GABRB2: variants seen among roughly 807,000 people sequenced by gnomAD.
GABRB2 encodes gamma-aminobutyric acid receptor subunit beta-2.
GABRB2 carries 16 observed loss-of-function variants against 54.7 expected under a neutral mutation model. That is an observed-to-expected ratio of 0.29 (90% CI 0.20 to 0.44). The LOEUF (loss-of-function observed/expected upper bound fraction) is 0.44, where lower values mean the gene tolerates loss of function less well. Ranked by LOEUF, GABRB2 falls within the 20% of genes least tolerant of loss-of-function variation. GABRB2 has a pLI of 1.00. For synonymous variants in GABRB2, 244 were observed against 233.8 expected, an observed-to-expected ratio of 1.04 and a Z score of -0.40; for missense variants, 355 against 644.0, an observed-to-expected ratio of 0.55 and a Z score of 4.86.
intron 5 of GABRB2, among the ~76,000 whole-genome samples, chr5:161,359,010 G>A (rs1754724438): frequency 1.3e-5 from 2 of 152,090 alleles, no homozygotes; most frequent in Admixed American, 6.5e-5. Context: ...AAAATTGCAT[G>A]GAAACAGCTT....
At chr5:161,345,538 A>G (rs1488603750) in intron 5 of GABRB2, among the ~76,000 whole-genome samples, 2 of 152,006 alleles carry the variant, frequency 1.3e-5, no homozygotes, top group Admixed American at 6.6e-5. Flanking sequence ...AACTCCTTTG[A>G]CCTCAAGGTT....
chr5:161,390,467 GATTC>G (rs1755785132), intron 5 of GABRB2, among the ~76,000 whole-genome samples: 1 of 152,004 alleles, frequency 6.6e-6, no homozygotes, highest in South Asian at 2.1e-4. Context: ...CCCTAGGTTG[GATTC>G]ATGAACAGAA....
At chr5:161,510,232 T>C (rs1759724602) in intron 3 of GABRB2, among the ~76,000 whole-genome samples, 1 of 151,836 alleles carries the variant, frequency 6.6e-6, no homozygotes, top group Non-Finnish European at 1.5e-5. Context: ...CTTCTAATTA[T>C]TTTCCTCCCC....
chr5:161,440,229 A>G (rs922453169), intron 4 of GABRB2, among the ~76,000 whole-genome samples: 6 of 152,194 alleles, frequency 3.9e-5, no homozygotes, highest in African/African-American at 9.6e-5. Context: ...TGGTAGGAGT[A>G]AGTCTTTATT....
intron 5 of GABRB2, among the ~76,000 whole-genome samples, chr5:161,379,227 C>T (rs1708202029): frequency 6.6e-6 from 1 of 152,104 alleles, no homozygotes; most frequent in African/African-American, 2.4e-5. Flanking sequence ...GTTATCTAAG[C>T]AATGTAAGAC....
intron 5 of GABRB2, among the ~76,000 whole-genome samples, chr5:161,343,454 C>A (rs1480958389): frequency 1.3e-5 from 2 of 151,952 alleles, no homozygotes; most frequent in Non-Finnish European, 2.9e-5. Flanking sequence ...AGTAAAATGT[C>A]AGATTGTGGG....
chr5:161,326,911 TG>T (rs1758381199), intron 8 of GABRB2: 1 of 765,518 alleles, frequency 1.3e-6, no homozygotes, highest in East Asian at 1.3e-4. Context: ...CAAATATGCG[TG>T]TTCTTAGTAT....
At chr5:161,323,720 G>T (rs1312060508) in intron 9 of GABRB2, among the ~76,000 whole-genome samples, 1 of 152,088 alleles carries the variant, frequency 6.6e-6, no homozygotes, top group Non-Finnish European at 1.5e-5. Flanking sequence ...ATCACAATTG[G>T]ACCAAGTTAA....
intron 3 of GABRB2, among the ~76,000 whole-genome samples, chr5:161,476,677 C>G (rs545170101): frequency 6.6e-6 from 1 of 151,890 alleles, no homozygotes; most frequent in Non-Finnish European, 1.5e-5. Flanking sequence ...GGTGCCAAGA[C>G]TACCCAATAA....
rs73319086 is a variant in GABRB2 at position 161,409,274 on chromosome 5, T to C, written c.541+1701A>G. 9.0e-3 allele frequency among the ~76,000 whole-genome samples: 1,368 copies of C among 152,192 alleles called. 18 individuals are homozygous for C. The highest frequency in any genetic ancestry group is 0.027 in the Middle Eastern group (8 of 294). The stretch of plus-strand genomic sequence containing the variant: ...CCTTACCTCCTTGATTTTGATTCCC[T>C]ATAGTTGTAAAGACGGAAATATTAA... On this transcript the variant is annotated intron_variant, in intron 5 of 9. Transcript: ENST00000393959.
At chr5:161,506,491 T>C (rs910426363) in intron 3 of GABRB2, among the ~76,000 whole-genome samples, 1 of 152,164 alleles carries the variant, frequency 6.6e-6, no homozygotes, top group Non-Finnish European at 1.5e-5. Context: ...AGTTTTACTC[T>C]AAATAAATAG....
intron 5 of GABRB2, among the ~76,000 whole-genome samples, chr5:161,339,364 C>T (rs1343823033): frequency 6.6e-6 from 1 of 152,108 alleles, no homozygotes; most frequent in African/African-American, 2.4e-5. Flanking sequence ...ACTTTGTTAA[C>T]TAGACACCAA....
At chr5:161,453,738 A>G (rs891642209) in intron 4 of GABRB2, among the ~76,000 whole-genome samples, 1 of 145,230 alleles carries the variant, frequency 6.9e-6, no homozygotes, top group Admixed American at 6.8e-5. Flanking sequence ...CTTTTTTAAT[A>G]AAAAAAAGAA....
rs1209100928 is a variant in GABRB2, at chr5:161,290,901, T to C, written c.*3180A>G. 6.6e-6 allele frequency: 1 copy of C among 152,632 alleles called. No homozygotes were observed. Among genetic ancestry groups the C allele is most frequent in the Admixed American group, 6.5e-5 (1 of 15,272 alleles). 9.5% of individuals were successfully genotyped at this position (152,632 alleles called of 1,614,324 possible). A position where few individuals can be genotyped will look rare whatever the true frequency, so the allele number is the denominator to read the frequency against. On this transcript the variant is annotated 3_prime_UTR_variant, in exon 10 of 10. Transcript: ENST00000393959. ...CAGATTTTTTTGTGTGTGTTCCTAA[T>C]GCTAGAATGTAAAGTCTTTTGGTTC... is the stretch of plus-strand genomic sequence containing the variant.
Position 161,294,239 on chromosome 5 carries a change from C to A in GABRB2, c.1381G>T (p.Ala461Ser), listed in dbSNP as rs1580953898. The A allele has an allele frequency of 1.2e-6, 2 of 1,614,040 alleles. No homozygotes were observed. Among genetic ancestry groups the A allele is most frequent in the African/African-American group, 1.3e-5 (1 of 74,928 alleles). ...FGRNALERHVAQKKSRLRRRA... is the reference protein window; with the variant it reads ...FGRNALERHVSQKKSRLRRRA... ...CTCCTCAGGCGACTTTTCTTTTGCG[C>A]CACATGTCGTTCCAGAGCATTTCGG... The change falls in exon 10 of 10, where the codon GCG becomes TCG. Residue 461 changes from alanine (A) to serine (S), a missense_variant. Coordinates refer to ENST00000393959, the MANE Select transcript of GABRB2 (RefSeq NM_001371727.1).
At chr5:161,350,868 C>T (rs1400898561) in intron 5 of GABRB2, among the ~76,000 whole-genome samples, 1 of 152,064 alleles carries the variant, frequency 6.6e-6, no homozygotes, top group African/African-American at 2.4e-5. Flanking sequence ...TGGACTTACA[C>T]CAGTGACTCT....
intron 5 of GABRB2, among the ~76,000 whole-genome samples, chr5:161,384,367 G>T (rs1755559045): frequency 1.3e-5 from 2 of 152,130 alleles, no homozygotes; most frequent in South Asian, 4.1e-4. Flanking sequence ...CTGTTATATG[G>T]TGGTGTGTAA....
chr5:161,514,165 G>A (rs180833021), intron 3 of GABRB2, among the ~76,000 whole-genome samples: 28 of 152,208 alleles, frequency 1.8e-4, no homozygotes, highest in Admixed American at 1.7e-3. Context: ...TTGCTTAAAT[G>A]GTTACAAATG....
At position 161,510,247 on chromosome 5, in the gene GABRB2, T is replaced by TC. The variant is rs1176539088; in HGVS notation, c.237+34979dup. ...CTTCTAATTATTTTCCTCCCCCAGC[T>TC]CCCCCCCAACCTCCCCAGCCTCTAG... is the stretch of plus-strand genomic sequence containing the variant. On this transcript the variant is annotated intron_variant, in intron 3 of 9. Transcript: ENST00000393959. 1.1e-4 allele frequency among the ~76,000 whole-genome samples: 17 copies of TC among 149,518 alleles called. No homozygotes were observed. In the East Asian group the frequency reaches 1.8e-3, roughly 16 times the overall value.
Sources: allele counts gnomAD v4.1 joint callset (sites outside exome capture counted in the v4.1 genomes callset), GRCh38; gene constraint gnomAD v4.1.1; transcripts MANE v1.5; gene names NCBI Gene and HGNC (gene_info 2026-07-23, HGNC 2026-07-21).